The following PAK4 variants were observed in gnomAD, a reference collection of about 807,000 sequenced individuals.
The protein encoded by PAK4 is p21 (RAC1) activated kinase 4.
In PAK4, 49 loss-of-function variants were observed where a neutral mutation model predicts 53.5. The observed-to-expected ratio is 0.92, with a 90% CI of 0.73 to 1.16. PAK4 has a LOEUF of 1.16. Among genes scored for constraint, PAK4 ranks in the 50% most tolerant of loss-of-function variants. The pLI is 0.00. For missense variants in PAK4, 824 were observed against 850.7 expected (o/e 0.97, Z 0.39); for synonymous variants, 376 against 375.6 (o/e 1.00, Z -0.01).
intron 4 of PAK4, 52 bp downstream of exon 5, chr19:39,174,062 C>CACCCTCCCTCCCCTCCTCCCTCCT: frequency 9.2e-7 from 1 of 1,082,764 alleles, no homozygotes; most frequent in South Asian, 1.6e-5. Context: ...CCCTCCCTCC[C>CACCCTCCCTCCCCTCCTCCCTCCT]ACCCTCCCTC....
rs370010638 is a variant in PAK4 at position 39,176,725 on chromosome 19, G to A, written c.1485+10G>A. ...TCCCTACGGGCCAGAGGTGAGCCCC[G>A]GGGTGGCTTGGTTGTCCCGCCGTGG... On this transcript the variant is annotated intron_variant, in intron 7 of 8. Transcript: ENST00000358301. 51 of 1,606,574 alleles carry A rather than the reference G, an allele frequency of 3.2e-5. No homozygotes were observed. The East Asian group carries it at 4.0e-4, about 13-fold the overall frequency.
At chr19:39,141,553 T>A (rs1185964200) in intron 1 of PAK4, among the ~76,000 whole-genome samples, 1 of 152,094 alleles carries the variant, frequency 6.6e-6, no homozygotes, top group Non-Finnish European at 1.5e-5. Flanking sequence ...TGACCTCAAG[T>A]GATATAACCA....
At chr19:39,139,394 T>C (rs1568500549) in intron 1 of PAK4, among the ~76,000 whole-genome samples, 1 of 152,054 alleles carries the variant, frequency 6.6e-6, no homozygotes, top group Non-Finnish European at 1.5e-5. Context: ...GTTCGGGACC[T>C]GGGCTCCAAG....
intron 1 of PAK4, among the ~76,000 whole-genome samples, chr19:39,149,104 G>A (rs764980190): frequency 6.6e-6 from 1 of 152,136 alleles, no homozygotes; most frequent in Non-Finnish European, 1.5e-5. Flanking sequence ...GTCGCTGTTC[G>A]GCATAGAATT....
At chr19:39,153,586 C>T (rs948318491) in intron 1 of PAK4, among the ~76,000 whole-genome samples, 3 of 152,168 alleles carry the variant, frequency 2.0e-5, no homozygotes, top group African/African-American at 7.2e-5. Flanking sequence ...GGATTACAGG[C>T]GCCTACCGCC....
chr19:39,133,519 GC>G (rs2073753056), intron 1 of PAK4, among the ~76,000 whole-genome samples: 1 of 152,124 alleles, frequency 6.6e-6, no homozygotes, highest in African/African-American at 2.4e-5. Flanking sequence ...GGATTTGGAT[GC>G]TGGAGGCCTG....
rs749157810 is a variant in PAK4 at position 39,173,620 on chromosome 19, C to T, written c.708C>T (p.Gly236=). The T allele has an allele frequency of 6.5e-6, 10 of 1,542,134 alleles. No individual in the cohort carries two copies. Among genetic ancestry groups the T allele is most frequent in the Non-Finnish European group, 5.2e-6 (6 of 1,146,314 alleles). The change falls in exon 4 of 9, where the codon GGC becomes GGT. Residue 236 remains glycine (G), a synonymous_variant. Coordinates refer to ENST00000358301, the Ensembl canonical transcript of PAK4. This position sits in a 1 kb window ranked among gnomAD's most constrained non-coding sequence, Gnocchi z 6.9. ...CCCCTAACGGGCCATCAGCGGGGGG[C>T]CTGGCCATCCCCCAGTCCTCCTCCT...
rs1394548973 is a variant in PAK4, at chr19:39,131,859, G to C, written c.-23+5940G>C. Among the ~76,000 whole-genome samples, 3 of 152,208 alleles carry C rather than the reference G, an allele frequency of 2.0e-5. No homozygotes were observed. In the East Asian group the frequency reaches 5.8e-4, roughly 29 times the overall value. On this transcript the variant is annotated intron_variant, in intron 1 of 8. Transcript: ENST00000358301. ...GGGAAGAGACAAAGAACTTCCCTGG[G>C]CCTCTGATTCCTCACCTGTTACAGG...
chr19:39,134,151 AAATGCTATATATATAC>A (rs1392021941), intron 1 of PAK4, among the ~76,000 whole-genome samples: 2 of 152,224 alleles, frequency 1.3e-5, no homozygotes, highest in African/African-American at 4.8e-5. Flanking sequence ...TTTGACTCTC[AAATGCTATATATATAC>A]ACAGCGCTTC....
chr19:39,150,236 G>A (rs916859322), intron 1 of PAK4, among the ~76,000 whole-genome samples: 2 of 152,076 alleles, frequency 1.3e-5, no homozygotes, highest in African/African-American at 2.4e-5. Context: ...CGCTGGGAGA[G>A]GGATTCCTCT....
chr19:39,145,436 G>A (rs146091812), intron 1 of PAK4, among the ~76,000 whole-genome samples: 2,087 of 152,242 alleles, frequency 0.014, 31 homozygotes, highest in South Asian at 0.03. Flanking sequence ...GGTTCCCAGC[G>A]GGGGTCAGGG....
At chr19:39,182,574 T>C (rs560361415), downstream of PAK4, 2 of 152,308 alleles carry the variant, frequency 1.3e-5, no homozygotes, top group East Asian at 1.9e-4. Context: ...CCCAAGCACT[T>C]TGGGGAGCCG....
chr19:39,155,807 T>A (rs1362698636), intron 1 of PAK4, among the ~76,000 whole-genome samples: 1 of 152,158 alleles, frequency 6.6e-6, no homozygotes, highest in Non-Finnish European at 1.5e-5. Flanking sequence ...CGCGCCTCAG[T>A]TTCCTCCATG....
chr19:39,165,556 T>TAAATAAATAAATAAATAA (rs761595959), intron 1 of PAK4, among the ~76,000 whole-genome samples: 103 of 124,084 alleles, frequency 8.3e-4, no homozygotes, highest in Middle Eastern at 4.3e-3. Context: ...ATAAATAAAA[T>TAAATAAATAAATAAATAA]AATAATAGAC....
At chr19:39,148,487 TGA>T (rs2074042360) in intron 1 of PAK4, among the ~76,000 whole-genome samples, 3 of 139,902 alleles carry the variant, frequency 2.1e-5, no homozygotes, top group African/African-American at 8.1e-5. Flanking sequence ...TTTTTTTTTT[TGA>T]GAGAGAGTCT....
chr19:39,138,464 T>C (rs962018136), intron 1 of PAK4, among the ~76,000 whole-genome samples: 3 of 152,256 alleles, frequency 2.0e-5, no homozygotes, highest in Non-Finnish European at 2.9e-5. Flanking sequence ...TCCCAATCCA[T>C]GAACGTGGTA....
intron 1 of PAK4, among the ~76,000 whole-genome samples, chr19:39,159,223 CT>C (rs1474461021): frequency 6.6e-6 from 1 of 152,156 alleles, no homozygotes; most frequent in Non-Finnish European, 1.5e-5. Context: ...TGCTGAGCCC[CT>C]GTACTGCGCC....
intron 1 of PAK4, among the ~76,000 whole-genome samples, chr19:39,140,136 T>C (rs954772775): frequency 6.6e-6 from 1 of 152,060 alleles, no homozygotes; most frequent in Admixed American, 6.6e-5. Flanking sequence ...CCTCTGTCTC[T>C]CTCCCTGTTT....
At chr19:39,139,971 C>A (rs912920447) in intron 1 of PAK4, among the ~76,000 whole-genome samples, 3 of 152,200 alleles carry the variant, frequency 2.0e-5, no homozygotes, top group African/African-American at 7.2e-5. Context: ...TAAGTCACGG[C>A]ACGCTACGGG....
Sources: gnomAD v4.1 joint callset for allele counts (sites outside exome capture counted in the v4.1 genomes callset) on GRCh38, gnomAD v4.1.1 for gene constraint, Gnocchi (gnomAD v3.1) non-coding constraint, MANE v1.5 for transcripts, NCBI Gene and HGNC (gene_info 2026-07-23, HGNC 2026-07-21) for gene names.